Variants in RP1 observed in about 807,000 individuals in gnomAD.
RP1 encodes the protein oxygen-regulated protein 1.
Under a neutral mutation model 14.8 loss-of-function variants are expected in RP1, and 16 were observed. That is an observed-to-expected ratio of 1.08 (90% CI 0.73 to 1.65). The LOEUF (loss-of-function observed/expected upper bound fraction) is 1.65. RP1 is among the 40% of genes most tolerant of loss of function. The pLI is 0.00. For synonymous variants in RP1, 876 were observed against 883.6 expected (o/e 0.99, Z 0.15); for missense variants, 2,631 against 2,535.0 (o/e 1.04, Z -0.81).
intron 26 of RP1, among the ~76,000 whole-genome samples, chr8:54,855,914 T>G (rs2129409656): frequency 6.8e-6 from 1 of 147,818 alleles, no homozygotes; most frequent in African/African-American, 2.5e-5. Context: ...ATAAGTATTT[T>G]TAGGAAGTGA....
At chr8:54,710,263 G>A (rs1007143304) in intron 15 of RP1, among the ~76,000 whole-genome samples, 3 of 152,316 alleles carry the variant, frequency 2.0e-5, no homozygotes, top group Non-Finnish European at 4.4e-5. Context: ...GAGGGAGCAC[G>A]CGAGCAAACA....
At chr8:54,613,662 G>T (rs560244665), upstream of RP1, among the ~76,000 whole-genome samples, 3 of 152,222 alleles carry the variant, frequency 2.0e-5, no homozygotes, top group South Asian at 6.2e-4. Context: ...GGGAAGGCAG[G>T]GGTTCAAGAA....
chr8:54,697,758 T>A (rs1214577674), intron 12 of RP1, among the ~76,000 whole-genome samples: 2 of 152,172 alleles, frequency 1.3e-5, no homozygotes, highest in Non-Finnish European at 2.9e-5. Flanking sequence ...CCAACTGATC[T>A]TTGACAAACC....
At chr8:54,810,279 T>C (rs756728817) in intron 24 of RP1, among the ~76,000 whole-genome samples, 1 of 152,254 alleles carries the variant, frequency 6.6e-6, no homozygotes, top group African/African-American at 2.4e-5. Flanking sequence ...GGTGGCTGTT[T>C]TGATCCCAGC....
At chr8:54,860,581 A>G (rs1405292542) in intron 27 of RP1, among the ~76,000 whole-genome samples, 1 of 152,196 alleles carries the variant, frequency 6.6e-6, no homozygotes, top group African/African-American at 2.4e-5. Context: ...AATCAGAGGT[A>G]TATGTGCTTT....
chr8:54,677,526 A>G (rs1257387467), intron 8 of RP1, among the ~76,000 whole-genome samples: 2 of 152,142 alleles, frequency 1.3e-5, no homozygotes, highest in African/African-American at 2.4e-5. Context: ...CAGGAGTTCA[A>G]GACCGGCCTG....
At chr8:54,608,929 G>A (rs1805524493) in intron 1 of RP1, among the ~76,000 whole-genome samples, 1 of 152,226 alleles carries the variant, frequency 6.6e-6, no homozygotes, top group South Asian at 2.1e-4. Context: ...GGATCTGACA[G>A]TAGATAGACA....
downstream of RP1, among the ~76,000 whole-genome samples, chr8:54,634,426 T>C (rs947583089): frequency 6.6e-6 from 1 of 152,246 alleles, no homozygotes; most frequent in African/African-American, 2.4e-5. Context: ...AAGAATAGTT[T>C]GCATTATCTG....
At chr8:54,606,939 A>G (rs1224067998) in intron 1 of RP1, among the ~76,000 whole-genome samples, 1 of 137,674 alleles carries the variant, frequency 7.3e-6, no homozygotes. Context: ...CTAGTTATCC[A>G]TTCGTCTAAT....
intron 20 of RP1, chr8:54,755,487 C>A: frequency 2.4e-6 from 2 of 829,028 alleles, no homozygotes; most frequent in East Asian, 2.9e-5. Flanking sequence ...ACAGAAAATC[C>A]AGATTACAGG....
chr8:54,636,086 C>T (rs1806340283), intron 3 of RP1, among the ~76,000 whole-genome samples: 3 of 152,182 alleles, frequency 2.0e-5, no homozygotes, highest in South Asian at 4.1e-4. Flanking sequence ...TTATGTTTTG[C>T]GCATTTCCAT....
In RP1 at chr8:54,627,178, A is replaced by G. The variant is rs201157708; in HGVS notation, c.3296A>G (p.His1099Arg). The G allele has an allele frequency of 5.0e-6, 8 of 1,614,034 alleles. No homozygotes were observed. The Admixed American group carries it at 1.0e-4, about 20-fold the overall frequency. Residue 1099 changes from histidine (H) to arginine (R), a missense_variant, in exon 4 of 4, where the codon CAC (histidine) becomes CGC (arginine). Coordinates refer to ENST00000220676, the MANE Select transcript of RP1 (RefSeq NM_006269.2). ...TTGCAAGCTTCAGTTCCTGGTATTC[A>G]CAAGACTCAGAATGGAGTTGTTCAA... ...HQLQASVPGI[H>R]KTQNGVVQMP...
chr8:54,773,569 G>A (rs572297809), downstream of RP1, among the ~76,000 whole-genome samples: 37 of 152,158 alleles, frequency 2.4e-4, 1 homozygote, highest in African/African-American at 6.5e-4. Context: ...CCCAGGTGGC[G>A]GAGGTTGCAG....
rs146744341 is a variant in RP1, at chr8:54,805,345, C to A, written c.3615+21635C>A. 2.8e-4 allele frequency among the ~76,000 whole-genome samples: 43 copies of A among 152,264 alleles called. No individual in the cohort carries two copies. In the East Asian group the frequency reaches 7.5e-3, roughly 27 times the overall value. On this transcript the variant is annotated intron_variant, in intron 24 of 28. Coordinates refer to the RP1 transcript ENST00000637698. The stretch of plus-strand genomic sequence containing the variant: ...TTCAGATGAAATGTGTATATTATGG[C>A]AGAATTATTAACATTCTTCACCAAG...
chr8:54,740,896 C>T (rs1481112376), intron 19 of RP1, among the ~76,000 whole-genome samples: 3 of 151,542 alleles, frequency 2.0e-5, no homozygotes, highest in Non-Finnish European at 2.9e-5. Flanking sequence ...ATTAGCCAGG[C>T]GTGGTGGCAG....
At chr8:54,832,618 T>G (rs1488544423) in intron 24 of RP1, among the ~76,000 whole-genome samples, 1 of 151,954 alleles carries the variant, frequency 6.6e-6, no homozygotes, top group East Asian at 1.9e-4. Flanking sequence ...GTATTTTTAT[T>G]AACTCCTTTT....
Position 54,694,565 on chromosome 8 carries a change from G to A in RP1, c.1718-4902G>A, listed in dbSNP as rs143402905. Among the ~76,000 whole-genome samples, 924 of 152,208 alleles carry A rather than the reference G, an allele frequency of 6.1e-3. 6 individuals are homozygous for A. Among genetic ancestry groups the A allele is most frequent in the African/African-American group, 0.019 (786 of 41,534 alleles). On this transcript the variant is annotated intron_variant, in intron 12 of 22. Transcript: ENST00000636932. ...AGTCTTGGGAGGGTATATGTGTTGC[G>A]GAATTTATCCATTTCTTCTAGATTT...
At chr8:54,600,668 C>G (rs1805254267) in intron 1 of RP1, among the ~76,000 whole-genome samples, 1 of 152,010 alleles carries the variant, frequency 6.6e-6, no homozygotes, top group Non-Finnish European at 1.5e-5. Context: ...CGAGGCTTCC[C>G]AAGGCAGATA....
chr8:54,721,761 T>C (rs1050851314), intron 16 of RP1, among the ~76,000 whole-genome samples: 1 of 152,196 alleles, frequency 6.6e-6, no homozygotes, highest in African/African-American at 2.4e-5. Context: ...CAGGAGACAT[T>C]GCTTTAGAAA....
Sources: allele counts gnomAD v4.1 joint callset (sites outside exome capture counted in the v4.1 genomes callset), GRCh38; gene constraint gnomAD v4.1.1; transcripts MANE v1.5; gene names NCBI Gene and HGNC (gene_info 2026-07-23, HGNC 2026-07-21).